Variants in NTN1 observed in about 807,000 individuals in gnomAD.
NTN1 encodes the protein netrin 1, also known as netrin-1.
NTN1 carries 11 observed loss-of-function variants against 54.2 expected under a neutral mutation model. That is an observed-to-expected ratio of 0.20 (90% CI 0.13 to 0.34). The LOEUF is 0.34. Among genes scored for constraint, NTN1 ranks in the 10% least tolerant of loss-of-function variants. The pLI, the probability that NTN1 is intolerant of heterozygous loss-of-function variation, is 1.00. For missense variants in NTN1, 740 were observed against 893.1 expected (o/e 0.83, Z 2.18); for synonymous variants, 371 against 382.0 (o/e 0.97, Z 0.33).
intron 5 of NTN1, among the ~76,000 whole-genome samples, chr17:9,191,511 A>C (rs1904456231): frequency 6.6e-6 from 1 of 152,226 alleles, no homozygotes; most frequent in African/African-American, 2.4e-5. Flanking sequence ...TAAGCAAAAT[A>C]AAAGGCAAAC....
chr17:9,011,359 T>C, the NTN1 span, among the ~76,000 whole-genome samples: 1 of 152,290 alleles, frequency 6.6e-6, no homozygotes, highest in African/African-American at 2.4e-5. Context: ...GGCTTGTGGC[T>C]GCATGGCTCC....
chr17:9,127,202 G>C (rs920369349), intron 2 of NTN1, among the ~76,000 whole-genome samples: 2 of 152,102 alleles, frequency 1.3e-5, no homozygotes, highest in Non-Finnish European at 2.9e-5. Context: ...CTCTGCAGGA[G>C]GCAGGGGTAG....
intron 2 of NTN1, among the ~76,000 whole-genome samples, chr17:9,138,672 G>A (rs565916655): frequency 5.1e-4 from 77 of 152,334 alleles, no homozygotes; most frequent in African/African-American, 1.8e-3. Context: ...AGGCAGGGGT[G>A]GGGCAGACAG....
intron 2 of NTN1, among the ~76,000 whole-genome samples, chr17:9,106,449 T>TTTCC (rs1389408570): frequency 1.3e-5 from 2 of 149,350 alleles, no homozygotes; most frequent in African/African-American, 4.9e-5. Flanking sequence ...CAAAATGGCA[T>TTTCC]TTCCTTCCTT....
Position 9,022,930 on chromosome 17 carries a change from A to G in NTN1, c.557A>G (p.Asn186Ser), listed in dbSNP as rs751410364. Reference protein sequence around the residue: ...FYSTQCRKMYNRPHRAPITKQ... With the variant: ...FYSTQCRKMYSRPHRAPITKQ... ...TCCACGCAGTGCCGCAAGATGTACA[A>G]CCGGCCGCACCGCGCGCCCATCACC... Residue 186 changes from asparagine (N) to serine (S), a missense_variant, in exon 2 of 7, where the codon AAC becomes AGC. By Grantham distance (46) the Asn-to-Ser change is conservative. Transcript: ENST00000173229. The G allele has an allele frequency of 1.3e-4, 202 of 1,611,592 alleles. No homozygotes were observed. Among genetic ancestry groups the G allele is most frequent in the Non-Finnish European group, 1.6e-4 (186 of 1,179,738 alleles).
chr17:9,069,783 G>A (rs2092026850), intron 2 of NTN1, among the ~76,000 whole-genome samples: 1 of 152,166 alleles, frequency 6.6e-6, no homozygotes, highest in Non-Finnish European at 1.5e-5. Context: ...TAGTGAGGTT[G>A]ACCCCGCATT....
the NTN1 span, among the ~76,000 whole-genome samples, chr17:9,014,721 C>A: frequency 6.6e-6 from 1 of 152,228 alleles, no homozygotes; most frequent in Admixed American, 6.5e-5. Context: ...GTACTGGGAA[C>A]TGAGTCATCT....
chr17:9,132,494 C>T (rs1477014897), intron 2 of NTN1, among the ~76,000 whole-genome samples: 1 of 152,240 alleles, frequency 6.6e-6, no homozygotes, highest in Non-Finnish European at 1.5e-5. Context: ...GCAGCTGCCA[C>T]ACCCTGTTCA....
the NTN1 span, among the ~76,000 whole-genome samples, chr17:9,003,393 G>A: frequency 6.6e-6 from 1 of 151,734 alleles, no homozygotes; most frequent in African/African-American, 2.4e-5. The surrounding 1 kb of genome is among the most constrained non-coding windows in gnomAD (Gnocchi z 7.4). Flanking sequence ...GCGGCGAGGG[G>A]CGCACGCCAG....
At chr17:9,007,698 T>G in the NTN1 span, among the ~76,000 whole-genome samples, 22 of 150,174 alleles carry the variant, frequency 1.5e-4, no homozygotes, top group East Asian at 4.2e-3. Flanking sequence ...CTTCCTTCCT[T>G]TCTTCCTTTC....
At chr17:9,179,026 G>C (rs866506562) in intron 3 of NTN1, 9 of 152,244 alleles carry the variant, frequency 5.9e-5, no homozygotes, top group African/African-American at 2.2e-4. Flanking sequence ...GGAGGAGGGT[G>C]GGGGGCCTGC....
intron 2 of NTN1, among the ~76,000 whole-genome samples, chr17:9,132,386 C>A (rs532114884): frequency 6.6e-6 from 1 of 152,292 alleles, no homozygotes; most frequent in African/African-American, 2.4e-5. Flanking sequence ...AGCTTTGAAC[C>A]TTCTACCCAG....
chr17:9,052,395 C>T (rs1278367167), intron 2 of NTN1, among the ~76,000 whole-genome samples: 1 of 152,154 alleles, frequency 6.6e-6, no homozygotes, highest in Non-Finnish European at 1.5e-5. Flanking sequence ...TCAGTACCCA[C>T]CCTAGAGAAA....
Position 9,074,224 on chromosome 17 carries a change from G to A in NTN1, c.1018+50833G>A, listed in dbSNP as rs150844269. 8.5e-5 allele frequency among the ~76,000 whole-genome samples: 13 copies of A among 152,314 alleles called. No individual in the cohort carries two copies. In the South Asian group the frequency reaches 1.2e-3, roughly 15 times the overall value. Reference sequence around the variant, plus strand: ...GGGGCGAGGTGGCTTCCTGCAAGACGGCGTGTAAGCTCAGCAACTGCATTT... The same window carrying A: ...GGGGCGAGGTGGCTTCCTGCAAGACAGCGTGTAAGCTCAGCAACTGCATTT... On this transcript the variant is annotated intron_variant, in intron 2 of 6. Transcript: ENST00000173229.
chr17:9,120,499 G>A (rs1292548255), intron 2 of NTN1, among the ~76,000 whole-genome samples: 1 of 152,198 alleles, frequency 6.6e-6, no homozygotes, highest in East Asian at 1.9e-4. Context: ...TACTTGGGGA[G>A]AGACTGCGAT....
intron 2 of NTN1, among the ~76,000 whole-genome samples, chr17:9,107,369 C>G (rs2092170854): frequency 6.6e-6 from 1 of 152,294 alleles, no homozygotes; most frequent in East Asian, 1.9e-4. Context: ...CTTAGATGCT[C>G]AGATAAAATG....
intron 2 of NTN1, among the ~76,000 whole-genome samples, chr17:9,071,827 C>T (rs922545143): frequency 6.6e-6 from 1 of 152,248 alleles, no homozygotes; most frequent in Admixed American, 6.5e-5. Context: ...GTTTCTTTCC[C>T]TCCAGAATTC....
chr17:9,166,500 A>G (rs1311153182), intron 3 of NTN1, among the ~76,000 whole-genome samples: 1 of 151,830 alleles, frequency 6.6e-6, no homozygotes, highest in Non-Finnish European at 1.5e-5. Context: ...AGCCACCACA[A>G]CCAGCTAATT....
intron 2 of NTN1, among the ~76,000 whole-genome samples, chr17:9,037,154 C>A (rs1179365104): frequency 2.0e-5 from 3 of 152,190 alleles, no homozygotes; most frequent in Non-Finnish European, 1.5e-5. Context: ...ATTTTGACTT[C>A]CAACACAATA....
Sources: gnomAD v4.1 joint callset for allele counts (sites outside exome capture counted in the v4.1 genomes callset) on GRCh38, gnomAD v4.1.1 for gene constraint, Gnocchi (gnomAD v3.1) non-coding constraint, MANE v1.5 for transcripts, NCBI Gene and HGNC (gene_info 2026-07-23, HGNC 2026-07-21) for gene names.